MLPH: variants seen among roughly 807,000 people sequenced by gnomAD.
MLPH encodes exophilin-3.
MLPH carries 51 observed loss-of-function variants against 72.1 expected under a neutral mutation model. The ratio of observed to expected loss-of-function variants is 0.71; its 90% CI spans 0.56 to 0.89. The LOEUF (loss-of-function observed/expected upper bound fraction) is 0.89, where lower values mean the gene tolerates loss of function less well. Among genes scored for constraint, MLPH ranks in the 40% least tolerant of loss-of-function variants. The pLI is 0.00. For missense variants in MLPH, 743 were observed against 759.9 expected (o/e 0.98, Z 0.26); for synonymous variants, 301 against 310.1 (o/e 0.97, Z 0.31).
intron 9 of MLPH, among the ~76,000 whole-genome samples, chr2:237,539,111 A>G (rs1296102133): frequency 1.3e-5 from 2 of 151,498 alleles, no homozygotes; most frequent in Admixed American, 6.6e-5. Flanking sequence ...GGAGCCTCCC[A>G]GGCCATGGTC....
chr2:237,489,507 C>T (rs1257095209), intron 1 of MLPH, among the ~76,000 whole-genome samples: 1 of 152,158 alleles, frequency 6.6e-6, no homozygotes, highest in African/African-American at 2.4e-5. Flanking sequence ...TGGGCCCCAC[C>T]TATAGAAATA....
intron 6 of MLPH, among the ~76,000 whole-genome samples, chr2:237,522,387 C>G (rs866068591): frequency 3.5e-4 from 33 of 95,042 alleles, no homozygotes; most frequent in African/African-American, 1.0e-3. Context: ...CTTGGACCTT[C>G]AAACACCTGC....
rs1259415103 is a variant in MLPH, at chr2:237,512,328, A to G, written c.445+1227A>G. Among the ~76,000 whole-genome samples, 1 of 152,200 alleles carries G rather than the reference A, an allele frequency of 6.6e-6. No homozygotes were observed. The highest frequency in any genetic ancestry group is 1.5e-5 in the Non-Finnish European group (1 of 68,026). ...GGGCCTGCTGCAGGCATTTCAAGGC[A>G]TCTTAGCCCATCGTTTAATTTAGGA... On this transcript the variant is annotated intron_variant, in intron 4 of 15. Coordinates refer to ENST00000264605, the MANE Select transcript of MLPH (RefSeq NM_024101.7). The surrounding 1 kb of genome is among the most constrained non-coding windows in gnomAD (Gnocchi z 5.5).
At chr2:237,544,504 G>T (rs1289696716) in intron 12 of MLPH, among the ~76,000 whole-genome samples, 1 of 9,252 alleles carries the variant, frequency 1.1e-4, no homozygotes, top group African/African-American at 6.3e-4. Flanking sequence ...AGTGGTGAGT[G>T]GGGGGACAGT....
At chr2:237,545,802 C>T (rs2080906167) in intron 12 of MLPH, 1 of 300,168 alleles carries the variant, frequency 3.3e-6, no homozygotes, top group East Asian at 1.6e-4. Context: ...CTCTAAATTT[C>T]AGATCAACAA....
chr2:237,490,468 G>T (rs1413363636), intron 1 of MLPH, among the ~76,000 whole-genome samples: 1 of 152,210 alleles, frequency 6.6e-6, no homozygotes, highest in African/African-American at 2.4e-5. Flanking sequence ...TGTGCTCTAA[G>T]AATGTGAAGC....
In MLPH at chr2:237,541,021, C is replaced by T; in HGVS notation, c.1446+64C>T. The T allele has an allele frequency of 3.2e-6, 5 of 1,540,940 alleles. No homozygotes were observed. The South Asian group carries it at 6.0e-5, about 18-fold the overall frequency. Reference sequence around the variant, plus strand: ...ACACAGATGGTGACCACACCCAGGCCTTGAACATCTGCCAGCTCTAACATC... The same window carrying T: ...ACACAGATGGTGACCACACCCAGGCTTTGAACATCTGCCAGCTCTAACATC... On this transcript the variant is annotated intron_variant, in intron 11 of 15. Coordinates refer to ENST00000264605, the MANE Select transcript of MLPH (RefSeq NM_024101.7). The surrounding 1 kb of genome is among the most constrained non-coding windows in gnomAD (Gnocchi z 5.1).
intron 2 of MLPH, among the ~76,000 whole-genome samples, chr2:237,503,510 T>C (rs2079697359): frequency 6.6e-6 from 1 of 152,194 alleles, no homozygotes; most frequent in Admixed American, 6.5e-5. Flanking sequence ...TCCTCAGCAA[T>C]GCTGCCGTCT....
In MLPH at chr2:237,519,932, A is replaced by ACGACTT. The variant is rs2080143396; in HGVS notation, c.588_593dup (p.Asp196_Phe197dup). ...AAGAAAAAGCGCCTCCTCTCCGTCC[A>ACGACTT]CGACTTCGACTTCGAGGGAGACTCA... On this transcript the variant is annotated inframe_insertion, in exon 6 of 16. Coordinates refer to ENST00000264605, the MANE Select transcript of MLPH (RefSeq NM_024101.7). 2 of 1,613,852 alleles carry ACGACTT rather than the reference A, an allele frequency of 1.2e-6. No individual in the cohort carries two copies. The highest frequency in any genetic ancestry group is 8.5e-7 in the Non-Finnish European group (1 of 1,180,010).
Position 237,510,945 on chromosome 2 carries a change from TA to T in MLPH, c.333-43del. The stretch of plus-strand genomic sequence containing the variant: ...TGTGTGAGATTTATGCAGGCCTGTG[TA>T]CAGCACTCAGGCAGTGCCATGAGCC... On this transcript the variant is annotated intron_variant, in intron 3 of 15. Transcript: ENST00000264605. This position sits in a 1 kb window ranked among gnomAD's most constrained non-coding sequence, Gnocchi z 4.4. 6.4e-7 allele frequency: 1 copy of T among 1,562,040 alleles called. No homozygotes were observed. Among genetic ancestry groups the T allele is most frequent in the Non-Finnish European group, 8.8e-7 (1 of 1,133,524 alleles).
Position 237,546,664 on chromosome 2 carries a change from A to G in MLPH, c.1598A>G (p.Asp533Gly), listed in dbSNP as rs2080924567. 15 of 1,614,092 alleles carry G rather than the reference A, an allele frequency of 9.3e-6. No individual in the cohort carries two copies. The highest frequency in any genetic ancestry group is 1.2e-5 in the Non-Finnish European group (14 of 1,179,998). ...LGKRPEDPNA[D>G]PSSEAKAMAV... ...AAGAGACCAGAGGACCCAAATGCAG[A>G]CCCTTCAAGTGAGGCCAAGGTATGT... is the stretch of plus-strand genomic sequence containing the variant. Residue 533 changes from aspartate to glycine, a missense_variant, in exon 13 of 16, where the codon GAC (aspartate) becomes GGC (glycine). Physicochemically the swap from Asp to Gly is moderately conservative, Grantham distance 94 (BLOSUM62 -1). Coordinates refer to ENST00000264605, the MANE Select transcript of MLPH (RefSeq NM_024101.7).
In MLPH at chr2:237,546,646, C is replaced by T. The variant is rs750119450; in HGVS notation, c.1580C>T (p.Pro527Leu). ...PRVAGKLGKRPEDPNADPSSE... is the reference protein window; with the variant it reads ...PRVAGKLGKRLEDPNADPSSE... ...GTGGCTGGGAAACTTGGCAAGAGACCAGAGGACCCAAATGCAGACCCTTCA... is the reference window on the plus strand; with the variant it reads ...GTGGCTGGGAAACTTGGCAAGAGACTAGAGGACCCAAATGCAGACCCTTCA... Residue 527 changes from proline to leucine, a missense_variant, in exon 13 of 16, where the codon CCA becomes CTA. Transcript: ENST00000264605. The T allele has an allele frequency of 1.2e-6, 2 of 1,614,192 alleles. No individual in the cohort carries two copies. Among genetic ancestry groups the T allele is most frequent in the Admixed American group, 3.3e-5 (2 of 60,018 alleles).
At chr2:237,535,345 G>A (rs1428305267) in intron 9 of MLPH, among the ~76,000 whole-genome samples, 1 of 152,044 alleles carries the variant, frequency 6.6e-6, no homozygotes, top group Non-Finnish European at 1.5e-5. Context: ...ACCTCTTGAA[G>A]GTCCCACCTC....
intron 13 of MLPH, among the ~76,000 whole-genome samples, chr2:237,548,621 C>T (rs1317256122): frequency 6.6e-6 from 1 of 152,194 alleles, no homozygotes; most frequent in African/African-American, 2.4e-5. Context: ...GTAATCCCAG[C>T]ACTTTGGGAG....
chr2:237,532,099 G>A (rs1322519424), intron 8 of MLPH, among the ~76,000 whole-genome samples: 2 of 152,216 alleles, frequency 1.3e-5, no homozygotes, highest in Non-Finnish European at 2.9e-5. Context: ...CAGCGATCCT[G>A]TACTTCAGAG....
intron 9 of MLPH, among the ~76,000 whole-genome samples, chr2:237,535,304 T>C (rs1387835030): frequency 6.6e-6 from 1 of 152,080 alleles, no homozygotes. Flanking sequence ...TATTAATCCA[T>C]TCATGAAGGC....
rs1574895764 is a variant in MLPH, at chr2:237,541,345, T to C, written c.1446+388T>C. On this transcript the variant is annotated intron_variant, in intron 11 of 15. Coordinates refer to ENST00000264605, the MANE Select transcript of MLPH (RefSeq NM_024101.7). This position sits in a 1 kb window ranked among gnomAD's most constrained non-coding sequence, Gnocchi z 5.1. Reference sequence around the variant, plus strand: ...GCCATCTGTGAGTCTGAGTTGTGGCTGCAGAGCTTGAATCTGGGTGAGGAA... The same window carrying C: ...GCCATCTGTGAGTCTGAGTTGTGGCCGCAGAGCTTGAATCTGGGTGAGGAA... Among the ~76,000 whole-genome samples, 2 of 152,340 alleles carry C rather than the reference T, an allele frequency of 1.3e-5. No individual in the cohort carries two copies. The highest frequency in any genetic ancestry group is 4.1e-4 in the South Asian group (2 of 4,826).
Position 237,491,458 on chromosome 2 carries a change from G to T in MLPH, c.-24-1945G>T, listed in dbSNP as rs546927275. Among the ~76,000 whole-genome samples, 4 of 152,336 alleles carry T rather than the reference G, an allele frequency of 2.6e-5. No homozygotes were observed. The South Asian group carries it at 6.2e-4, about 24-fold the overall frequency. ...CATCTGAGGGCCGAGGGCTTCCCTG[G>T]CACAGCCTGCTGCACACCAGGGAGC... On this transcript the variant is annotated intron_variant, in intron 1 of 15. Transcript: ENST00000264605.
chr2:237,553,908 CT>C lies in MLPH; in HGVS notation c.*317del. The C allele has an allele frequency of 1.9e-6, 1 of 516,922 alleles. No homozygotes were observed. The highest frequency in any genetic ancestry group is 2.8e-5 in the Admixed American group (1 of 35,532). 32.0% of individuals were successfully genotyped at this position (516,922 alleles called of 1,614,324 possible). ...GAAGGACACACCGAAGACCTTTATACTGTGATCTTTTACCCCTTTCACTCTT... is the reference window on the plus strand; with the variant it reads ...GAAGGACACACCGAAGACCTTTATACGTGATCTTTTACCCCTTTCACTCTT... On this transcript the variant is annotated 3_prime_UTR_variant, in exon 16 of 16. Transcript: ENST00000264605.
Sources: allele counts gnomAD v4.1 joint callset (sites outside exome capture counted in the v4.1 genomes callset), GRCh38; gene constraint gnomAD v4.1.1; non-coding constraint Gnocchi (gnomAD v3.1); transcripts MANE v1.5; gene names NCBI Gene and HGNC (gene_info 2026-07-23, HGNC 2026-07-21).